SPRED1: variants seen among roughly 807,000 people sequenced by gnomAD.
SPRED1 encodes the protein sprouty-related, EVH1 domain-containing protein 1.
Under a neutral mutation model 52.3 loss-of-function variants are expected in SPRED1, and 18 were observed. The observed-to-expected ratio is 0.34, with a 90% confidence interval of 0.24 to 0.51. The LOEUF (loss-of-function observed/expected upper bound fraction) is 0.51. Among genes scored for constraint, SPRED1 ranks in the 20% least tolerant of loss-of-function variants. SPRED1 has a pLI of 0.97. For synonymous variants in SPRED1, 155 were observed against 179.7 expected (o/e 0.86, Z 1.10); for missense variants, 485 against 551.0 (o/e 0.88, Z 1.20).
chr15:38,263,414 G>T (rs1278658646), intron 1 of SPRED1, among the ~76,000 whole-genome samples: 2 of 152,130 alleles, frequency 1.3e-5, no homozygotes, highest in African/African-American at 4.8e-5. Flanking sequence ...GTTGAGGCCA[G>T]TGGAAAATTT....
At chr15:38,342,811 C>A (rs1042154956) in intron 5 of SPRED1, among the ~76,000 whole-genome samples, 1 of 151,970 alleles carries the variant, frequency 6.6e-6, no homozygotes, top group Non-Finnish European at 1.5e-5. Flanking sequence ...GACTTGATGT[C>A]TTTGAACAGA....
At chr15:38,260,874 A>T (rs1295501872) in intron 1 of SPRED1, among the ~76,000 whole-genome samples, 3 of 152,228 alleles carry the variant, frequency 2.0e-5, no homozygotes, top group Admixed American at 1.3e-4. Flanking sequence ...AAATAGGAAG[A>T]GTAAGAAACA....
chr15:38,336,570 C>T (rs560717049), intron 4 of SPRED1, among the ~76,000 whole-genome samples: 36 of 149,470 alleles, frequency 2.4e-4, no homozygotes, highest in South Asian at 4.2e-4. Flanking sequence ...TATATATATA[C>T]ACACACACAC....
At chr15:38,284,387 T>A (rs1410173158) in intron 1 of SPRED1, among the ~76,000 whole-genome samples, 1 of 152,186 alleles carries the variant, frequency 6.6e-6, no homozygotes, top group African/African-American at 2.4e-5. Context: ...TCTAAAGGTA[T>A]AATATTTTTA....
chr15:38,273,584 T>C lies in SPRED1; in HGVS notation c.32+20367T>C, dbSNP rs541226273. 3.2e-4 allele frequency among the ~76,000 whole-genome samples: 48 copies of C among 149,266 alleles called. No individual in the cohort carries two copies. The East Asian group carries it at 8.4e-3, about 26-fold the overall frequency. ...GAATAATAGTTTTTTTCCTATAGGA[T>C]GTGTAGGACTTTAGTGTTTTTAAAA... is the stretch of plus-strand genomic sequence containing the variant. On this transcript the variant is annotated intron_variant, in intron 1 of 6. Transcript: ENST00000299084.
chr15:38,261,461 G>C (rs1315394923), intron 1 of SPRED1, among the ~76,000 whole-genome samples: 1 of 152,216 alleles, frequency 6.6e-6, no homozygotes, highest in Admixed American at 6.5e-5. Context: ...ATAACCTTTA[G>C]TAAATTCAAG....
intron 1 of SPRED1, among the ~76,000 whole-genome samples, chr15:38,285,160 C>T (rs953645683): frequency 2.0e-5 from 3 of 152,082 alleles, no homozygotes; most frequent in Non-Finnish European, 4.4e-5. Flanking sequence ...TGAATAACTA[C>T]TAGGAAAAGC....
At chr15:38,257,326 T>C (rs529214233) in intron 1 of SPRED1, among the ~76,000 whole-genome samples, 18 of 152,324 alleles carry the variant, frequency 1.2e-4, no homozygotes, top group African/African-American at 4.1e-4. Flanking sequence ...ACAAATGTGG[T>C]TGAATTAATG....
At chr15:38,312,239 T>C (rs923635210) in intron 2 of SPRED1, among the ~76,000 whole-genome samples, 1 of 152,114 alleles carries the variant, frequency 6.6e-6, no homozygotes, top group Non-Finnish European at 1.5e-5. Flanking sequence ...GTTAAAGTCT[T>C]AGATCTTCGA....
chr15:38,349,554 G>A (rs1263906417), intron 6 of SPRED1, 31 bp downstream of exon 6: 1 of 1,246,320 alleles, frequency 8.0e-7, no homozygotes, highest in South Asian at 1.3e-5. Context: ...TTGTGATATG[G>A]AATTTAACTA....
chr15:38,290,673 A>G (rs1894904848), intron 1 of SPRED1, among the ~76,000 whole-genome samples: 1 of 152,202 alleles, frequency 6.6e-6, no homozygotes, highest in Admixed American at 6.5e-5. Context: ...TGGTGGCAGC[A>G]AAAGAAAAAT....
At chr15:38,316,711 G>T (rs1356328638) in intron 2 of SPRED1, among the ~76,000 whole-genome samples, 1 of 100,702 alleles carries the variant, frequency 9.9e-6, no homozygotes. Flanking sequence ...TTTTGAATTT[G>T]TTGCGGCTTT....
chr15:38,279,322 G>C (rs1180888415), intron 1 of SPRED1, among the ~76,000 whole-genome samples: 1 of 152,176 alleles, frequency 6.6e-6, no homozygotes, highest in Non-Finnish European at 1.5e-5. Context: ...TTTCTCTGTA[G>C]AGCAATTACC....
At chr15:38,349,647 T>G (rs1359065240) in intron 6 of SPRED1, 124 bp downstream of exon 6, 1 of 717,918 alleles carries the variant, frequency 1.4e-6, no homozygotes, top group African/African-American at 1.8e-5. Flanking sequence ...TTGTATAAAT[T>G]TGCTGCCTAT....
chr15:38,288,345 C>T (rs536362096), intron 1 of SPRED1, among the ~76,000 whole-genome samples: 3 of 152,170 alleles, frequency 2.0e-5, no homozygotes, highest in East Asian at 1.9e-4. Flanking sequence ...GAGGAAGGTT[C>T]GGAGTTTGTA....
chr15:38,294,854 T>G (rs1322200937), intron 1 of SPRED1, among the ~76,000 whole-genome samples: 1 of 152,180 alleles, frequency 6.6e-6, no homozygotes, highest in Non-Finnish European at 1.5e-5. Flanking sequence ...ATGTACTATC[T>G]CCCCTGAAGA....
intron 5 of SPRED1, among the ~76,000 whole-genome samples, chr15:38,345,475 C>T (rs1302070862): frequency 6.6e-6 from 1 of 152,184 alleles, no homozygotes; most frequent in Non-Finnish European, 1.5e-5. Flanking sequence ...GACTAGACAA[C>T]TGCCTTGATG....
chr15:38,287,369 G>T (rs930213452), intron 1 of SPRED1, among the ~76,000 whole-genome samples: 70 of 151,914 alleles, frequency 4.6e-4, no homozygotes, highest in Admixed American at 2.8e-3. Context: ...CATTCAATCT[G>T]CAAAACTGTG....
At chr15:38,341,993 G>C (rs1384194305) in intron 5 of SPRED1, among the ~76,000 whole-genome samples, 1 of 145,678 alleles carries the variant, frequency 6.9e-6, no homozygotes, top group African/African-American at 2.5e-5. Context: ...CAACATTTCA[G>C]ACCTCTCTTT....
Sources: allele counts gnomAD v4.1 joint callset (sites outside exome capture counted in the v4.1 genomes callset), GRCh38; gene constraint gnomAD v4.1.1; transcripts MANE v1.5; gene names NCBI Gene and HGNC (gene_info 2026-07-23, HGNC 2026-07-21).